Variants in TRPM6 observed in about 807,000 individuals in gnomAD.
TRPM6 encodes the protein channel kinase 2.
TRPM6 carries 111 observed loss-of-function variants against 247.6 expected under a neutral mutation model. That is an observed-to-expected ratio of 0.45 (90% CI 0.38 to 0.52). The LOEUF is 0.52. Ranked by LOEUF, TRPM6 falls within the 20% of genes least tolerant of loss-of-function variation. TRPM6 has a pLI of 0.00. For synonymous variants in TRPM6, 892 were observed against 853.8 expected (o/e 1.04, Z -0.78); for missense variants, 2,126 against 2,421.5 (o/e 0.88, Z 2.56).
At chr9:74,785,327 T>A (rs564983866) in intron 21 of TRPM6, among the ~76,000 whole-genome samples, 2 of 152,172 alleles carry the variant, frequency 1.3e-5, no homozygotes, top group East Asian at 3.9e-4. Flanking sequence ...TGACTATAGT[T>A]AATAATAATT....
chr9:74,752,321 G>T lies in TRPM6; in HGVS notation c.4954C>A (p.Gln1652Lys). 6.2e-7 allele frequency: 1 copy of T among 1,601,584 alleles called. No individual in the cohort carries two copies. Among genetic ancestry groups the T allele is most frequent in the Non-Finnish European group, 8.5e-7 (1 of 1,171,704 alleles). ...TAATCACTGATTTGTATAGCACATT[G>T]TCCAATTTCTTTAGTTTTCATTTTC... ...HQKMKTKEIGQCAIQISDYLK... is the reference protein window; with the variant it reads ...HQKMKTKEIGKCAIQISDYLK... The change falls in exon 29 of 39, where the codon CAA becomes AAA. Residue 1652 changes from glutamine to lysine, a missense_variant. By Grantham distance (53) the Gln-to-Lys change is moderately conservative (BLOSUM62 1). Coordinates refer to ENST00000360774, the MANE Select transcript of TRPM6 (RefSeq NM_017662.5).
At chr9:74,830,749 GTTTTTTTTTTTT>G (rs71368685) in intron 6 of TRPM6, among the ~76,000 whole-genome samples, 8 of 87,260 alleles carry the variant, frequency 9.2e-5, no homozygotes, top group South Asian at 3.8e-4. Context: ...GCTAATTTTT[GTTTTTTTTTTTT>G]TTTTTTTTTT....
intron 7 of TRPM6, among the ~76,000 whole-genome samples, chr9:74,822,398 T>C (rs979274900): frequency 1.5e-4 from 22 of 148,950 alleles, no homozygotes; most frequent in Non-Finnish European, 2.7e-4. Context: ...CACAGGTATG[T>C]ACCACCACAC....
At chr9:74,802,250 G>A in intron 15 of TRPM6, 75 bp from the exon 16 acceptor site, 2 of 1,366,482 alleles carry the variant, frequency 1.5e-6, no homozygotes, top group Non-Finnish European at 2.1e-6. Context: ...AACACAGCAG[G>A]TGTCCTAGAG....
At chr9:74,805,386 T>A (rs1226590198) in intron 14 of TRPM6, among the ~76,000 whole-genome samples, 2 of 152,156 alleles carry the variant, frequency 1.3e-5, no homozygotes, top group African/African-American at 2.4e-5. Flanking sequence ...CTGCCCACAC[T>A]AAGAGCCCAC....
intron 1 of TRPM6, among the ~76,000 whole-genome samples, chr9:74,860,446 C>T (rs1236712120): frequency 6.6e-6 from 1 of 152,198 alleles, no homozygotes; most frequent in African/African-American, 2.4e-5. Context: ...GAAACCACTG[C>T]CTCTAGGTTT....
chr9:74,755,602 A>C, intron 27 of TRPM6, 129 bp from the exon 28 acceptor site: 1 of 1,173,450 alleles, frequency 8.5e-7, no homozygotes, highest in Non-Finnish European at 1.3e-6. Flanking sequence ...TTGCCTGGGA[A>C]GTGCTGACAA....
At chr9:74,816,020 A>G (rs1305397124) in intron 11 of TRPM6, among the ~76,000 whole-genome samples, 4 of 152,224 alleles carry the variant, frequency 2.6e-5, no homozygotes, top group South Asian at 2.1e-4. Context: ...GTAAACTTTG[A>G]GTTTTAAATA....
At chr9:74,830,749 G>GTTTTTTT (rs71368685) in intron 6 of TRPM6, among the ~76,000 whole-genome samples, 3 of 87,262 alleles carry the variant, frequency 3.4e-5, no homozygotes, top group African/African-American at 5.1e-5. Context: ...GCTAATTTTT[G>GTTTTTTT]TTTTTTTTTT....
At chr9:74,789,909 C>G (rs140594470) in intron 19 of TRPM6, among the ~76,000 whole-genome samples, 1,486 of 136,916 alleles carry the variant, frequency 0.011, 24 homozygotes, top group African/African-American at 0.039. Context: ...TGCAGTGAGC[C>G]GAGATTGCAC....
Position 74,752,263 on chromosome 9 carries a change from TA to T in TRPM6, c.4998+13del. On this transcript the variant is annotated intron_variant, in intron 29 of 38. Coordinates refer to ENST00000360774, the MANE Select transcript of TRPM6 (RefSeq NM_017662.5). ...CTCGAATGCTTTTTTTTTTAACTCCTAAAATATTTTTACCTCTTGAGACTGC... is the reference window on the plus strand; with the variant it reads ...CTCGAATGCTTTTTTTTTTAACTCCTAAATATTTTTACCTCTTGAGACTGC... The T allele has an allele frequency of 6.7e-7, 1 of 1,497,214 alleles. No homozygotes were observed. The highest frequency in any genetic ancestry group is 9.3e-7 in the Non-Finnish European group (1 of 1,080,750). 92.7% of individuals were successfully genotyped at this position (1,497,214 alleles called of 1,614,324 possible). A position where few individuals can be genotyped will look rare whatever the true frequency, so the allele number is the denominator to read the frequency against.
At chr9:74,878,936 G>A (rs554843602) in intron 1 of TRPM6, among the ~76,000 whole-genome samples, 12 of 152,188 alleles carry the variant, frequency 7.9e-5, no homozygotes, top group African/African-American at 2.6e-4. Context: ...ATCTGCCATT[G>A]AGCTATGATT....
Position 74,744,309 on chromosome 9 carries a change from G to A in TRPM6, c.5084-164C>T, listed in dbSNP as rs1046298153. On this transcript the variant is annotated intron_variant, in intron 31 of 38. Coordinates refer to ENST00000360774, the MANE Select transcript of TRPM6 (RefSeq NM_017662.5). ...TTTTTTAACCACAGTATTGCGCATG[G>A]TATCCTGACAGCTTCCAATCATCAA... 7.3e-5 allele frequency: 52 copies of A among 707,656 alleles called. No homozygotes were observed. In the African/African-American group the frequency reaches 8.1e-4, roughly 11 times the overall value. 43.8% of individuals were successfully genotyped at this position (707,656 alleles called of 1,614,324 possible).
chr9:74,776,704 A>T (rs997741437), intron 23 of TRPM6, among the ~76,000 whole-genome samples: 13 of 152,312 alleles, frequency 8.5e-5, no homozygotes, highest in Admixed American at 6.5e-4. Flanking sequence ...AGAACTTGCC[A>T]TGGGGGTAAT....
intron 34 of TRPM6, 135 bp downstream of exon 34, chr9:74,739,588 A>G: frequency 1.3e-6 from 2 of 1,514,138 alleles, no homozygotes; most frequent in South Asian, 1.1e-5. Context: ...CAAAAGTCCT[A>G]CAAAGCAATA....
chr9:74,789,801 A>C (rs1827831561), intron 19 of TRPM6, among the ~76,000 whole-genome samples: 1 of 152,044 alleles, frequency 6.6e-6, no homozygotes, highest in Non-Finnish European at 1.5e-5. Flanking sequence ...CTCTACTAAA[A>C]ATACAAAAAA....
chr9:74,840,945 G>A (rs534664076), intron 4 of TRPM6, among the ~76,000 whole-genome samples: 2 of 152,078 alleles, frequency 1.3e-5, no homozygotes, highest in South Asian at 2.1e-4. Context: ...TAACAAATAG[G>A]TGAAATGGGA....
chr9:74,843,831 A>G (rs1830021402), intron 3 of TRPM6, among the ~76,000 whole-genome samples: 1 of 151,888 alleles, frequency 6.6e-6, no homozygotes. Context: ...AAAAAAAAAA[A>G]AAGAGTTGAA....
chr9:74,865,813 T>C (rs1830827693), intron 1 of TRPM6, among the ~76,000 whole-genome samples: 1 of 152,232 alleles, frequency 6.6e-6, no homozygotes, highest in Admixed American at 6.5e-5. Context: ...CAGGCTGAAG[T>C]GCAGTGGCTA....
Sources: gnomAD v4.1 joint callset for allele counts (sites outside exome capture counted in the v4.1 genomes callset) on GRCh38, gnomAD v4.1.1 for gene constraint, MANE v1.5 for transcripts, NCBI Gene and HGNC (gene_info 2026-07-23, HGNC 2026-07-21) for gene names.